The following KIF24 variants were observed in gnomAD, a reference collection of about 807,000 sequenced individuals.
KIF24 encodes kinesin family member 24.
KIF24 carries 81 observed loss-of-function variants against 118.9 expected under a neutral mutation model. That is an observed-to-expected ratio of 0.68 (90% CI 0.57 to 0.82). KIF24 has a LOEUF of 0.82. KIF24 is among the 40% of genes least tolerant of loss of function. KIF24 has a pLI of 0.00. For missense variants in KIF24, 1,560 were observed against 1,661.6 expected, an observed-to-expected ratio of 0.94 and a Z score of 1.06; for synonymous variants, 599 against 610.0, an observed-to-expected ratio of 0.98 and a Z score of 0.27.
intron 4 of KIF24, among the ~76,000 whole-genome samples, chr9:34,291,405 C>G (rs750033891): frequency 3.3e-5 from 5 of 152,208 alleles, no homozygotes; most frequent in African/African-American, 1.2e-4. Context: ...TGACCTTAGG[C>G]AAGTCCCTTC....
Position 34,284,767 on chromosome 9 carries a change from G to A in KIF24, c.1215+1850C>T, listed in dbSNP as rs200450497. ...GAAAGTCACACAGGGGGTTTGTAGG[G>A]TGCTACAATGTTCTATTTCTTGATC... On this transcript the variant is annotated intron_variant, in intron 6 of 12. Coordinates refer to ENST00000402558, the MANE Select transcript of KIF24 (RefSeq NM_194313.4). 2.3e-4 allele frequency among the ~76,000 whole-genome samples: 35 copies of A among 152,240 alleles called. No homozygotes were observed. In the East Asian group the frequency reaches 6.4e-3, roughly 28 times the overall value.
rs142690593 is a variant in KIF24, at chr9:34,281,872, G to C, written c.1215+4745C>G. ...CTAGCCAGGCTTGTTGGATGTACTA[G>C]AAGAAAGACTGCGATGGCTGCATGT... On this transcript the variant is annotated intron_variant, in intron 6 of 12. Transcript: ENST00000402558. 2.0e-5 allele frequency among the ~76,000 whole-genome samples: 3 copies of C among 152,322 alleles called. No individual in the cohort carries two copies. The East Asian group carries it at 5.8e-4, about 29-fold the overall frequency.
chr9:34,271,761 CA>C, intron 7 of KIF24, 47 bp downstream of exon 7: 1 of 1,602,054 alleles, frequency 6.2e-7, no homozygotes, highest in Non-Finnish European at 8.5e-7. Context: ...TTCAAAGTCA[CA>C]TTAAAGGAAA....
chr9:34,310,403 C>G (rs889506269), intron 2 of KIF24, among the ~76,000 whole-genome samples: 1 of 151,380 alleles, frequency 6.6e-6, no homozygotes, highest in Non-Finnish European at 1.5e-5. Flanking sequence ...TTAACTATTT[C>G]ACTTTCACAG....
In KIF24 at chr9:34,311,358, G is replaced by C; in HGVS notation, c.-12C>G. The C allele has an allele frequency of 6.5e-7, 1 of 1,535,898 alleles. No homozygotes were observed. The highest frequency in any genetic ancestry group is 2.3e-5 in the East Asian group (1 of 43,888). ...AACCAGGATGCCATTTTGGTGAATA[G>C]GTTTCTATAAACTCTGAAGAGAGAA... On this transcript the variant is annotated 5_prime_UTR_variant, in exon 2 of 13. Transcript: ENST00000402558.
chr9:34,258,641 G>T (rs1434556163), intron 10 of KIF24, among the ~76,000 whole-genome samples: 1 of 152,186 alleles, frequency 6.6e-6, no homozygotes, highest in African/African-American at 2.4e-5. Context: ...ACTGCTTCCT[G>T]GAGAGAGGCC....
intron 7 of KIF24, among the ~76,000 whole-genome samples, chr9:34,271,438 T>C (rs1835505052): frequency 1.3e-5 from 2 of 151,966 alleles, no homozygotes; most frequent in African/African-American, 4.8e-5. Flanking sequence ...AGAGAGGCAA[T>C]GAATGTATCC....
chr9:34,252,769 A>C lies in KIF24; in HGVS notation c.*1611T>G, dbSNP rs756721947. 2.5e-4 allele frequency: 38 copies of C among 152,256 alleles called. No homozygotes were observed. The highest frequency in any genetic ancestry group is 5.0e-4 in the Non-Finnish European group (34 of 68,020). 9.4% of individuals were successfully genotyped at this position (152,256 alleles called of 1,614,324 possible). A position where few individuals can be genotyped will look rare whatever the true frequency, so the allele number is the denominator to read the frequency against. On this transcript the variant is annotated 3_prime_UTR_variant, in exon 13 of 13. Transcript: ENST00000402558. ...TGGACCAAGGACGTAGGCCTTCCTG[A>C]CTGTGGAGTTGGGATAGGCTGGGCC...
chr9:34,297,881 T>G (rs1338872135), intron 3 of KIF24, among the ~76,000 whole-genome samples: 1 of 152,140 alleles, frequency 6.6e-6, no homozygotes, highest in African/African-American at 2.4e-5. Context: ...TACATTGCAG[T>G]AGGCACTTGA....
Position 34,318,985 on chromosome 9 carries a change from C to A in KIF24, c.-25-7614G>T. The stretch of plus-strand genomic sequence containing the variant: ...CCAAGGTCACCAAGGACATGGAGTG[C>A]ATGGATGGCGCCCTGCTTGTCAACA... On this transcript the variant is annotated intron_variant, in intron 1 of 12. Transcript: ENST00000402558. The surrounding 1 kb of genome is among the most constrained non-coding windows in gnomAD (Gnocchi z 4.9). 7.9e-7 allele frequency: 1 copy of A among 1,267,406 alleles called. No homozygotes were observed. The highest frequency in any genetic ancestry group is 1.2e-6 in the Non-Finnish European group (1 of 869,214). The allele number at this position is 1,267,406 out of a possible 1,614,324, so 78.5% of individuals were successfully genotyped here. A position where few individuals can be genotyped will look rare whatever the true frequency, so the allele number is the denominator to read the frequency against.
At chr9:34,301,111 C>T (rs542881128) in intron 3 of KIF24, among the ~76,000 whole-genome samples, 1 of 152,218 alleles carries the variant, frequency 6.6e-6, no homozygotes, top group African/African-American at 2.4e-5. Context: ...TGTAAACATG[C>T]AAGATTATTA....
chr9:34,277,838 T>A (rs1835711109), intron 6 of KIF24, among the ~76,000 whole-genome samples: 1 of 152,210 alleles, frequency 6.6e-6, no homozygotes, highest in South Asian at 2.1e-4. Context: ...TTTTTGTAAA[T>A]GACATACACA....
intron 10 of KIF24, 134 bp from the exon 11 acceptor site, chr9:34,258,115 A>G (rs542367246): frequency 1.4e-6 from 1 of 700,986 alleles, no homozygotes; most frequent in Admixed American, 2.8e-5. Flanking sequence ...CTGGGATAGA[A>G]TAAGAGGAAA....
At chr9:34,262,678 A>ATG (rs1835129188) in intron 9 of KIF24, among the ~76,000 whole-genome samples, 3 of 17,358 alleles carry the variant, frequency 1.7e-4, no homozygotes, top group African/African-American at 5.2e-4. Context: ...AAAAAAAAAT[A>ATG]TATATATATA....
chr9:34,328,516 G>A (rs1338792938), intron 1 of KIF24, among the ~76,000 whole-genome samples: 1 of 152,184 alleles, frequency 6.6e-6, no homozygotes, highest in Non-Finnish European at 1.5e-5. Flanking sequence ...ACTGTGTGTG[G>A]ACTTTTAGGT....
intron 4 of KIF24, among the ~76,000 whole-genome samples, chr9:34,294,489 G>A (rs1382865338): frequency 2.0e-5 from 3 of 151,920 alleles, no homozygotes; most frequent in South Asian, 2.1e-4. Context: ...CAGAGGTTGC[G>A]GTGAGCTGAG....
chr9:34,313,137 T>C (rs1039227524), intron 1 of KIF24, among the ~76,000 whole-genome samples: 1 of 152,214 alleles, frequency 6.6e-6, no homozygotes, highest in Non-Finnish European at 1.5e-5. Flanking sequence ...CAATACAATA[T>C]GGTAGGAGTA....
At chr9:34,258,093 T>G (rs1834927365) in intron 10 of KIF24, 112 bp from the exon 11 acceptor site, 2 of 795,038 alleles carry the variant, frequency 2.5e-6, no homozygotes, top group East Asian at 2.5e-5. Context: ...GGATTGGGAG[T>G]TATTTCTTTA....
chr9:34,255,072 AT>A lies in KIF24; in HGVS notation c.3965del (p.Asn1322MetfsTer7). On this transcript the variant is annotated frameshift_variant and splice_region_variant, in exon 12 of 13. Transcript: ENST00000402558. LOFTEE classifies it high-confidence loss of function. ...TGAGTGTCCAGCCAGGGCTACTTAC[AT>A]TAGAAGCCAGCTGGCTCATCAGCGT... The part of the protein sequence containing the change: ...EETLMSQLAS[N>X]DFEDFVTQLD... 1 of 1,578,762 alleles carries A rather than the reference AT, an allele frequency of 6.3e-7. No individual in the cohort carries two copies. Among genetic ancestry groups the A allele is most frequent in the Non-Finnish European group, 8.6e-7 (1 of 1,159,994 alleles).
Sources: gnomAD v4.1 joint callset for allele counts (sites outside exome capture counted in the v4.1 genomes callset) on GRCh38, gnomAD v4.1.1 for gene constraint, Gnocchi (gnomAD v3.1) non-coding constraint, MANE v1.5 for transcripts, NCBI Gene and HGNC (gene_info 2026-07-23, HGNC 2026-07-21) for gene names.